CELSR1: variants seen among roughly 807,000 people sequenced by gnomAD.
CELSR1 encodes the protein cadherin EGF LAG seven-pass G-type receptor 1, also known as adhesion G protein-coupled receptor C1.
In CELSR1, 110 loss-of-function variants were observed where a neutral mutation model predicts 249.1. The observed-to-expected ratio is 0.44, with a 90% CI of 0.38 to 0.52. The LOEUF is 0.52. Ranked by LOEUF, CELSR1 falls within the 20% of genes least tolerant of loss-of-function variation. The probability of loss-of-function intolerance (pLI) is 0.00; values close to 1 mark genes in which losing one functional copy is unlikely to be tolerated. For missense variants in CELSR1, 4,109 were observed against 4,296.4 expected, an observed-to-expected ratio of 0.96 and a Z score of 1.22; for synonymous variants, 2,113 against 1,900.0, an observed-to-expected ratio of 1.11 and a Z score of -2.92.
At chr22:46,461,721 G>A (rs1278201012) in intron 2 of CELSR1, among the ~76,000 whole-genome samples, 1 of 152,244 alleles carries the variant, frequency 6.6e-6, no homozygotes, top group Non-Finnish European at 1.5e-5. Flanking sequence ...TATCTGCGGA[G>A]TAAAGATGGC....
At chr22:46,508,092 C>T (rs1452462205) in intron 1 of CELSR1, among the ~76,000 whole-genome samples, 3 of 152,186 alleles carry the variant, frequency 2.0e-5, no homozygotes, top group Non-Finnish European at 2.9e-5. Flanking sequence ...TTCCATAAAC[C>T]GGCACAGCCT....
In CELSR1 at chr22:46,536,993, C is replaced by A; in HGVS notation, c.178G>T (p.Ala60Ser). ...YAVGAACTPR[A>S]PRELLDVGRD... Reference sequence around the variant, plus strand: ...CCCACGTCCAGCAGCTCCCGCGGCGCCCGGGGCGTGCAAGCGGCGCCCACC... The same window carrying A: ...CCCACGTCCAGCAGCTCCCGCGGCGACCGGGGCGTGCAAGCGGCGCCCACC... The change falls in exon 1 of 35, where the codon GCG becomes TCG. Residue 60 changes from alanine (A) to serine (S), a missense_variant. Ala to Ser is a moderately conservative substitution (Grantham distance 99). This residue lies in a region of CELSR1 where 673 missense variants were observed against 636.8 expected (regional missense o/e 1.06). Transcript: ENST00000674500. The A allele has an allele frequency of 8.9e-7, 1 of 1,119,758 alleles. No homozygotes were observed. The highest frequency in any genetic ancestry group is 1.1e-6 in the Non-Finnish European group (1 of 918,038). 69.4% of individuals were successfully genotyped at this position (1,119,758 alleles called of 1,614,324 possible). A position where few individuals can be genotyped will look rare whatever the true frequency, so the allele number is the denominator to read the frequency against.
intron 1 of CELSR1, among the ~76,000 whole-genome samples, chr22:46,496,333 C>T (rs905062535): frequency 3.9e-5 from 6 of 152,074 alleles, no homozygotes; most frequent in Admixed American, 2.6e-4. Context: ...TTTGGGAGGC[C>T]GAGGCAGGTG....
Position 46,464,382 on chromosome 22 carries a change from TGCGG to T in CELSR1, c.3545-41_3545-38del, listed in dbSNP as rs2080073696. The T allele has an allele frequency of 6.3e-7, 1 of 1,584,536 alleles. No homozygotes were observed. The highest frequency in any genetic ancestry group is 1.3e-5 in the African/African-American group (1 of 74,452). Reference sequence around the variant, plus strand: ...AGGAAAGTCAGGGTCATTCAGATGCTGCGGGAGTCACAGGTCCTATAGGCCCCAT... The same window carrying T: ...AGGAAAGTCAGGGTCATTCAGATGCTGAGTCACAGGTCCTATAGGCCCCAT... On this transcript the variant is annotated intron_variant, in intron 1 of 34. Coordinates refer to ENST00000674500, the MANE Select transcript of CELSR1 (RefSeq NM_001378328.1). This position sits in a 1 kb window ranked among gnomAD's most constrained non-coding sequence, Gnocchi z 8.5.
intron 1 of CELSR1, among the ~76,000 whole-genome samples, chr22:46,475,718 A>G (rs1203593332): frequency 6.6e-6 from 1 of 152,162 alleles, no homozygotes; most frequent in Admixed American, 6.6e-5. Flanking sequence ...CTCCTTCTCA[A>G]TGTCACTCCC....
intron 2 of CELSR1, among the ~76,000 whole-genome samples, chr22:46,442,109 T>C (rs996503471): frequency 2.0e-5 from 3 of 152,168 alleles, no homozygotes; most frequent in African/African-American, 4.8e-5. Flanking sequence ...GATGGTGCCA[T>C]TGCACTCCAG....
Position 46,427,905 on chromosome 22 carries a change from T to G in CELSR1, c.4611+5488A>C, listed in dbSNP as rs2079553482. Among the ~76,000 whole-genome samples, 2 of 151,368 alleles carry G rather than the reference T, an allele frequency of 1.3e-5. No homozygotes were observed. Among genetic ancestry groups the G allele is most frequent in the Non-Finnish European group, 2.9e-5 (2 of 67,810 alleles). ...AAGTGTCTGGGTGGAAGTCCTCGAGTTTTTAGAACATGTGCAGAAACGGAG... is the reference window on the plus strand; with the variant it reads ...AAGTGTCTGGGTGGAAGTCCTCGAGGTTTTAGAACATGTGCAGAAACGGAG... On this transcript the variant is annotated intron_variant, in intron 5 of 34. Coordinates refer to ENST00000674500, the MANE Select transcript of CELSR1 (RefSeq NM_001378328.1). This position sits in a 1 kb window ranked among gnomAD's most constrained non-coding sequence, Gnocchi z 4.2.
Position 46,437,152 on chromosome 22 carries a change from G to A in CELSR1, c.4407-863C>T, listed in dbSNP as rs1289278761. 1.3e-5 allele frequency among the ~76,000 whole-genome samples: 2 copies of A among 152,178 alleles called. No individual in the cohort carries two copies. Among genetic ancestry groups the A allele is most frequent in the Middle Eastern group, 3.2e-3 (1 of 316 alleles). On this transcript the variant is annotated intron_variant, in intron 3 of 34. Transcript: ENST00000674500. The surrounding 1 kb of genome is among the most constrained non-coding windows in gnomAD (Gnocchi z 4.9). ...GGCCTGTCAGAACTTAGAGCACGCT[G>A]AGCAAAAACCACCTGCTCGGGCAGG...
At chr22:46,465,122 T>A (rs1264933591) in intron 1 of CELSR1, among the ~76,000 whole-genome samples, 3 of 152,108 alleles carry the variant, frequency 2.0e-5, no homozygotes, top group Non-Finnish European at 4.4e-5. Context: ...CAGAATTGGA[T>A]GAGACGTTCA....
intron 1 of CELSR1, among the ~76,000 whole-genome samples, chr22:46,532,162 T>C (rs2080798440): frequency 6.6e-6 from 1 of 152,250 alleles, no homozygotes; most frequent in South Asian, 2.1e-4. Flanking sequence ...CTGTTCCCAC[T>C]ATCTCGTCCC....
intron 2 of CELSR1, among the ~76,000 whole-genome samples, chr22:46,444,295 G>A (rs896058102): frequency 1.3e-5 from 2 of 152,248 alleles, no homozygotes; most frequent in Non-Finnish European, 2.9e-5. Flanking sequence ...GTATCTGGAA[G>A]GTTTGAATTT....
At chr22:46,519,715 T>A (rs6007924) in intron 1 of CELSR1, among the ~76,000 whole-genome samples, 47,007 of 151,790 alleles carry the variant, frequency 0.31, 9,688 homozygotes, top group African/African-American at 0.59. Context: ...TGGACCCTGC[T>A]CAGGTGCCGC....
In CELSR1 at chr22:46,398,582, A is replaced by G. The variant is rs1348534607; in HGVS notation, c.5468T>C (p.Val1823Ala). The G allele has an allele frequency of 1.2e-6, 2 of 1,613,336 alleles. No homozygotes were observed. Among genetic ancestry groups the G allele is most frequent in the East Asian group, 4.5e-5 (2 of 44,840 alleles). ...GACCTTGTCTTCAGAGGCGCCTCCG[A>G]CCACCACGCTCCTTACCGTCAGCCC... ...LPGLTVRSVV[V>A]GGASEDKVSV... Residue 1823 changes from valine (V) to alanine (A), a missense_variant, in exon 11 of 35, where the codon GTC becomes GCC. By Grantham distance (64) the Val-to-Ala change is moderately conservative. Around this residue, in one of 7 missense-constraint regions of CELSR1, gnomAD observed 1,805 missense variants for 1,831.6 expected, o/e 0.99. Coordinates refer to ENST00000674500, the MANE Select transcript of CELSR1 (RefSeq NM_001378328.1). This position sits in a 1 kb window ranked among gnomAD's most constrained non-coding sequence, Gnocchi z 7.2.
rs192089143 is a variant in CELSR1, at chr22:46,494,642, G to A, written c.3545-30297C>T. Among the ~76,000 whole-genome samples the A allele has an allele frequency of 5.2e-3, 791 of 152,174 alleles. 1 individual carries two copies. Among genetic ancestry groups the A allele is most frequent in the Non-Finnish European group, 7.8e-3 (530 of 67,998 alleles). On this transcript the variant is annotated intron_variant, in intron 1 of 34. Coordinates refer to ENST00000674500, the MANE Select transcript of CELSR1 (RefSeq NM_001378328.1). ...TCATGCCTCAGCCTCCAGAGTAGCCGGGATTACAGGCATGCCACCACGCCT... is the reference window on the plus strand; with the variant it reads ...TCATGCCTCAGCCTCCAGAGTAGCCAGGATTACAGGCATGCCACCACGCCT...
Position 46,381,221 on chromosome 22 carries a change from G to A in CELSR1, c.7089-266C>T, listed in dbSNP as rs2078974530. Reference sequence around the variant, plus strand: ...AAGAAAGAGAAGGCACAGGTGCAAAGATGTCACAGCCCATAATAGCTAATG... The same window carrying A: ...AAGAAAGAGAAGGCACAGGTGCAAAAATGTCACAGCCCATAATAGCTAATG... On this transcript the variant is annotated intron_variant, in intron 21 of 34. Coordinates refer to ENST00000674500, the MANE Select transcript of CELSR1 (RefSeq NM_001378328.1). The surrounding 1 kb of genome is among the most constrained non-coding windows in gnomAD (Gnocchi z 6.0). Among the ~76,000 whole-genome samples the A allele has an allele frequency of 6.6e-6, 1 of 152,202 alleles. No individual in the cohort carries two copies. Among genetic ancestry groups the A allele is most frequent in the Admixed American group, 6.5e-5 (1 of 15,276 alleles).
chr22:46,463,809 C>T lies in CELSR1; in HGVS notation c.4081G>A (p.Glu1361Lys). The change falls in exon 2 of 35, where the codon GAG (glutamate) becomes AAG (lysine). Residue 1361 changes from glutamate (E) to lysine (K), a missense_variant. Around this residue, in one of 7 missense-constraint regions of CELSR1, gnomAD observed 453 missense variants for 492.0 expected, o/e 0.92. Transcript: ENST00000674500. ...CPPGFTGDYC[E>K]TEIDLCYSDP... ...GAGTAGCAGAGGTCGATCTCCGTCT[C>T]GCAGTAGTCGCCGGTGAAGCCGGGC... 1.9e-6 allele frequency: 3 copies of T among 1,609,808 alleles called. No individual in the cohort carries two copies. Among genetic ancestry groups the T allele is most frequent in the Non-Finnish European group, 2.5e-6 (3 of 1,178,064 alleles).
chr22:46,532,295 C>T (rs79113794), intron 1 of CELSR1, among the ~76,000 whole-genome samples: 15 of 152,208 alleles, frequency 9.9e-5, no homozygotes, highest in Non-Finnish European at 1.9e-4. Flanking sequence ...TCCATAACCC[C>T]GGTTAATTCG....
intron 1 of CELSR1, among the ~76,000 whole-genome samples, chr22:46,525,682 T>C (rs1055622129): frequency 2.0e-5 from 3 of 152,220 alleles, no homozygotes; most frequent in African/African-American, 7.2e-5. Context: ...TGAATCCAAG[T>C]GCTGGCAGGG....
rs2080740078 is a variant in CELSR1, at chr22:46,526,520, A to T, written c.3544+7107T>A. Among the ~76,000 whole-genome samples, 1 of 152,100 alleles carries T rather than the reference A, an allele frequency of 6.6e-6. No individual in the cohort carries two copies. Among genetic ancestry groups the T allele is most frequent in the African/African-American group, 2.4e-5 (1 of 41,412 alleles). On this transcript the variant is annotated intron_variant, in intron 1 of 34. Transcript: ENST00000674500. The surrounding 1 kb of genome is among the most constrained non-coding windows in gnomAD (Gnocchi z 4.7). ...GAGGCACCCCCAAACCACTCCACTC[A>T]GATCTCACAGAGGCCACCAAGGACC...
Sources: gnomAD v4.1 joint callset for allele counts (sites outside exome capture counted in the v4.1 genomes callset) on GRCh38, gnomAD v4.1.1 for gene constraint, gnomAD v4.1.1 regional missense constraint, Gnocchi (gnomAD v3.1) non-coding constraint, MANE v1.5 for transcripts, NCBI Gene and HGNC (gene_info 2026-07-23, HGNC 2026-07-21) for gene names.